The following ZBTB20 variants were observed in gnomAD, a reference collection of about 807,000 sequenced individuals.
ZBTB20 encodes the protein zinc finger and BTB domain containing 20.
ZBTB20 carries 9 observed loss-of-function variants against 56.9 expected under a neutral mutation model. That is an observed-to-expected ratio of 0.16 (90% CI 0.10 to 0.28). The LOEUF (loss-of-function observed/expected upper bound fraction) is 0.28. ZBTB20 is among the 10% of genes least tolerant of loss of function. The probability of loss-of-function intolerance (pLI) is 1.00; values close to 1 mark genes in which losing one functional copy is unlikely to be tolerated. For synonymous variants in ZBTB20, 417 were observed against 420.7 expected, an observed-to-expected ratio of 0.99 and a Z score of 0.11; for missense variants, 655 against 1,003.0, an observed-to-expected ratio of 0.65 and a Z score of 4.69.
chr3:114,507,179 G>C (rs1235457692), intron 6 of ZBTB20, among the ~76,000 whole-genome samples: 1 of 152,136 alleles, frequency 6.6e-6, no homozygotes, highest in East Asian at 1.9e-4. Context: ...CTATGAGTCA[G>C]TTACTTTTTC....
chr3:114,959,508 G>A (rs569321829), intron 3 of ZBTB20, among the ~76,000 whole-genome samples: 1 of 152,154 alleles, frequency 6.6e-6, no homozygotes, highest in East Asian at 1.9e-4. Flanking sequence ...AAGTAACTAA[G>A]TAAATAAATA....
intron 1 of ZBTB20, among the ~76,000 whole-genome samples, chr3:115,139,980 G>A (rs2084765359): frequency 6.6e-6 from 1 of 151,988 alleles, no homozygotes; most frequent in African/African-American, 2.4e-5. Context: ...TTTTATAAAA[G>A]ACTAAAAGTG....
intron 5 of ZBTB20, among the ~76,000 whole-genome samples, chr3:114,793,535 A>G (rs2071123473): frequency 6.6e-6 from 1 of 152,152 alleles, no homozygotes; most frequent in African/African-American, 2.4e-5. Context: ...GAGGAAATGT[A>G]TAGAGGACAT....
intron 2 of ZBTB20, among the ~76,000 whole-genome samples, chr3:115,042,355 G>A (rs969807267): frequency 2.6e-5 from 4 of 152,124 alleles, no homozygotes; most frequent in Admixed American, 6.6e-5. Context: ...AGGTCCATAC[G>A]TAAAATCTTT....
At chr3:115,138,055 C>T (rs540334002) in intron 1 of ZBTB20, among the ~76,000 whole-genome samples, 4 of 152,216 alleles carry the variant, frequency 2.6e-5, no homozygotes, top group South Asian at 4.1e-4. Context: ...AAAGAACAAA[C>T]AAACACAAAA....
chr3:114,909,454 T>A (rs2075443419), intron 3 of ZBTB20, among the ~76,000 whole-genome samples: 1 of 151,968 alleles, frequency 6.6e-6, no homozygotes, highest in African/African-American at 2.4e-5. Context: ...ATTGAAGAAA[T>A]ATGAAACTTT....
intron 7 of ZBTB20, among the ~76,000 whole-genome samples, chr3:114,448,784 T>C (rs773456859): frequency 2.6e-5 from 4 of 152,142 alleles, no homozygotes; most frequent in East Asian, 3.9e-4. Context: ...TAAGTATATA[T>C]ATAATTGGAT....
At chr3:114,449,855 G>C (rs550540133) in intron 7 of ZBTB20, among the ~76,000 whole-genome samples, 1 of 152,070 alleles carries the variant, frequency 6.6e-6, no homozygotes, top group East Asian at 1.9e-4. Flanking sequence ...GCAAATTCTC[G>C]TATCCCCAAA....
At chr3:114,738,289 A>C (rs1339552224) in intron 5 of ZBTB20, among the ~76,000 whole-genome samples, 1 of 152,060 alleles carries the variant, frequency 6.6e-6, no homozygotes, top group Non-Finnish European at 1.5e-5. Flanking sequence ...AAATCTTTTT[A>C]AGTGATATCA....
intron 3 of ZBTB20, among the ~76,000 whole-genome samples, chr3:114,930,044 A>C (rs1016594218): frequency 7.9e-5 from 12 of 152,238 alleles, no homozygotes; most frequent in African/African-American, 2.9e-4. Flanking sequence ...GCCAAAATCC[A>C]TATGAATGCC....
At chr3:114,763,999 C>T (rs557393801) in intron 5 of ZBTB20, among the ~76,000 whole-genome samples, 1 of 152,214 alleles carries the variant, frequency 6.6e-6, no homozygotes, top group East Asian at 1.9e-4. Flanking sequence ...AGCAGGACTG[C>T]CTTTTCTTTG....
At chr3:114,662,229 C>T (rs1313736253) in intron 6 of ZBTB20, among the ~76,000 whole-genome samples, 16 of 151,976 alleles carry the variant, frequency 1.1e-4, no homozygotes, top group South Asian at 8.3e-4. Flanking sequence ...ACAAAGGATA[C>T]GAACTCATCA....
intron 1 of ZBTB20, among the ~76,000 whole-genome samples, chr3:115,142,667 A>T (rs2084848424): frequency 6.6e-6 from 1 of 152,056 alleles, no homozygotes. Flanking sequence ...ATCAAAAAAA[A>T]AAAAAAAAAA....
At chr3:114,533,543 G>A (rs941055032) in intron 6 of ZBTB20, among the ~76,000 whole-genome samples, 1 of 152,286 alleles carries the variant, frequency 6.6e-6, no homozygotes, top group Admixed American at 6.5e-5. Context: ...TAGGGAGAAT[G>A]GAACCAAGTT....
chr3:114,834,777 C>CCCGTTCTT (rs2074037753), intron 4 of ZBTB20, among the ~76,000 whole-genome samples: 1 of 152,050 alleles, frequency 6.6e-6, no homozygotes, highest in African/African-American at 2.4e-5. Flanking sequence ...CGTTCTTTGT[C>CCCGTTCTT]TGAAGCAAGT....
rs1242607970 is a variant in ZBTB20 at position 114,338,927 on chromosome 3, C to T, written c.*78G>A. On this transcript the variant is annotated 3_prime_UTR_variant, in exon 12 of 12. Transcript: ENST00000675478. ...ATGAAACCAAAACATTTCTTAAATT[C>T]TAGTGCCATAGCTTTTTTGTTTGTT... is the stretch of plus-strand genomic sequence containing the variant. 2 of 1,416,618 alleles carry T rather than the reference C, an allele frequency of 1.4e-6. No homozygotes were observed. The highest frequency in any genetic ancestry group is 2.9e-5 in the African/African-American group (2 of 70,010). The allele number at this position is 1,416,618 out of a possible 1,614,324, so 87.8% of individuals were successfully genotyped here. A position where few individuals can be genotyped will look rare whatever the true frequency, so the allele number is the denominator to read the frequency against.
chr3:114,396,415 C>T (rs1402444), intron 7 of ZBTB20, among the ~76,000 whole-genome samples: 133,559 of 152,182 alleles, frequency 0.88, 59,570 homozygotes, highest in South Asian at 0.97. Context: ...TTGGCTATTA[C>T]TGACTAAATG....
At chr3:114,643,430 G>C (rs13095153) in intron 6 of ZBTB20, among the ~76,000 whole-genome samples, 10,380 of 152,122 alleles carry the variant, frequency 0.068, 402 homozygotes, top group Middle Eastern at 0.15. Flanking sequence ...ACTGATATAG[G>C]ACACAGGGGA....
intron 5 of ZBTB20, among the ~76,000 whole-genome samples, chr3:114,725,731 A>G (rs972749839): frequency 6.6e-6 from 1 of 152,240 alleles, no homozygotes; most frequent in African/African-American, 2.4e-5. Context: ...TCTAAAAGTT[A>G]TTGTGTAACA....
Sources: gnomAD v4.1 joint callset for allele counts (sites outside exome capture counted in the v4.1 genomes callset) on GRCh38, gnomAD v4.1.1 for gene constraint, MANE v1.5 for transcripts, NCBI Gene and HGNC (gene_info 2026-07-23, HGNC 2026-07-21) for gene names.